Variants in LINC00632 observed in about 807,000 individuals in gnomAD.
LINC00632 encodes the protein long independently transcribed non-coding RNA 632.
chrX:140,778,537 G>A (rs763856733), exon 5 of LINC00632, among the ~76,000 whole-genome samples: 2 of 109,034 alleles, frequency 1.8e-5, no homozygotes, highest in East Asian at 2.9e-4. Flanking sequence ...CCTGGGAGGC[G>A]GAGGTTGCAG....
chrX:140,718,654 A>G (rs1306403078), intron 2 of LINC00632, among the ~76,000 whole-genome samples: 6 of 110,987 alleles, frequency 5.4e-5, no homozygotes. Context: ...CAGGTGATCC[A>G]CCCATCTCTG....
chrX:140,744,892 C>T (rs1215787322), intron 3 of LINC00632, among the ~76,000 whole-genome samples: 1 of 110,345 alleles, frequency 9.1e-6, no homozygotes, highest in Non-Finnish European at 1.9e-5. Context: ...TGGACCAGAG[C>T]TTTTTTAAGC....
intron 2 of LINC00632, among the ~76,000 whole-genome samples, chrX:140,714,984 AC>A (rs1327560022): frequency 9.0e-6 from 1 of 110,984 alleles, no homozygotes; most frequent in Admixed American, 9.6e-5. Flanking sequence ...CCAAAATACA[AC>A]TCAAACTCCT....
At chrX:140,714,038 C>T in intron 2 of LINC00632, 1 of 239,666 alleles carries the variant, frequency 4.2e-6, no homozygotes, top group Middle Eastern at 1.5e-3. Context: ...CAGCTTCTTC[C>T]CACAGCAAAC....
chrX:140,763,987 G>A (rs1017315786), intron 3 of LINC00632, among the ~76,000 whole-genome samples: 1 of 110,872 alleles, frequency 9.0e-6, no homozygotes, highest in Non-Finnish European at 1.9e-5. Context: ...CCTTCAGGCC[G>A]TTTCACAACA....
At chrX:140,765,064 G>T (rs936271385) in intron 3 of LINC00632, among the ~76,000 whole-genome samples, 3 of 111,511 alleles carry the variant, frequency 2.7e-5, no homozygotes, top group African/African-American at 6.5e-5. Context: ...CCAAAATTCC[G>T]CAAGAAGCTA....
At chrX:140,720,374 G>C (rs1325832364) in intron 2 of LINC00632, among the ~76,000 whole-genome samples, 1 of 111,181 alleles carries the variant, frequency 9.0e-6, no homozygotes, top group Admixed American at 9.6e-5. Flanking sequence ...CTGAAACATA[G>C]AGATACATTA....
intron 2 of LINC00632, among the ~76,000 whole-genome samples, chrX:140,727,180 G>C (rs994807705): frequency 3.6e-5 from 4 of 111,157 alleles, no homozygotes; most frequent in Non-Finnish European, 3.8e-5. Flanking sequence ...GCCCACATTG[G>C]TGTCTCCATA....
chrX:140,788,835 ATATG>A (rs1344428652), exon 5 of LINC00632, among the ~76,000 whole-genome samples: 2 of 103,623 alleles, frequency 1.9e-5, no homozygotes, highest in Non-Finnish European at 4.0e-5. Flanking sequence ...ATATACACAT[ATATG>A]TATATATGTA....
intron 2 of LINC00632, chrX:140,714,881 A>C (rs1930597374): frequency 9.1e-6 from 1 of 110,307 alleles, no homozygotes; most frequent in Admixed American, 9.7e-5. Context: ...ACAAAAAAAA[A>C]CAATTACTTG....
intron 3 of LINC00632, among the ~76,000 whole-genome samples, chrX:140,762,328 T>C (rs1931614819): frequency 9.1e-6 from 1 of 110,033 alleles, no homozygotes; most frequent in Non-Finnish European, 1.9e-5. Context: ...CACAGCAGGA[T>C]TTTGGTTTGT....
chrX:140,743,165 C>A (rs1212163836), intron 3 of LINC00632, among the ~76,000 whole-genome samples: 1 of 89,912 alleles, frequency 1.1e-5, no homozygotes, highest in Non-Finnish European at 2.1e-5. Flanking sequence ...ACAGAGGTTG[C>A]AATGAGCCAA....
At chrX:140,731,769 T>C (rs1422836103) in intron 2 of LINC00632, among the ~76,000 whole-genome samples, 1 of 111,626 alleles carries the variant, frequency 9.0e-6, no homozygotes, top group Non-Finnish European at 1.9e-5. Context: ...ACAGATGCCA[T>C]TTTGTATGCC....
exon 5 of LINC00632, among the ~76,000 whole-genome samples, chrX:140,788,810 G>GGGTATA (rs1932059249): frequency 1.3e-5 from 1 of 75,227 alleles, no homozygotes; most frequent in Non-Finnish European, 2.8e-5. Context: ...ACACATATAT[G>GGGTATA]TATCTATATT....
exon 5 of LINC00632, chrX:140,784,042 GGTCTTCCAGGAAATCCGT>G (rs770078724): frequency 3.3e-6 from 4 of 1,210,804 alleles, no homozygotes; most frequent in Non-Finnish European, 4.5e-6. Context: ...AAAAAATCCG[GGTCTTCCAGGAAATCCGT>G]GTCTTCCAGC....
At chrX:140,770,433 G>A (rs182602789) in intron 3 of LINC00632, among the ~76,000 whole-genome samples, 90 of 111,969 alleles carry the variant, frequency 8.0e-4, no homozygotes, top group Non-Finnish European at 1.3e-3. Context: ...AGGTGTGGTG[G>A]CTCACGCCTA....
chrX:140,757,758 G>A (rs1218255407), intron 3 of LINC00632, among the ~76,000 whole-genome samples: 1 of 110,818 alleles, frequency 9.0e-6, no homozygotes, highest in Non-Finnish European at 1.9e-5. Context: ...GTAGAGACAG[G>A]GTTTCACCAT....
exon 5 of LINC00632, among the ~76,000 whole-genome samples, chrX:140,781,698 C>T (rs751187053): frequency 9.0e-6 from 1 of 111,314 alleles, no homozygotes; most frequent in Non-Finnish European, 1.9e-5. Context: ...TTAACTTTAC[C>T]ATATCCTTGA....
chrX:140,784,351 C>T (rs1211726474), exon 5 of LINC00632: 2 of 1,209,316 alleles, frequency 1.7e-6, no homozygotes, highest in Admixed American at 2.2e-5. Context: ...AAATCCACGT[C>T]TTCCAACCAA....
Sources: allele counts gnomAD v4.1 joint callset (sites outside exome capture counted in the v4.1 genomes callset), GRCh38; gene constraint gnomAD v4.1.1; transcripts MANE v1.5; gene names NCBI Gene and HGNC (gene_info 2026-07-23, HGNC 2026-07-21).